Variants in NOL4 observed in about 807,000 individuals in gnomAD.
NOL4 encodes the protein cancer/testis antigen 125.
Under a neutral mutation model 75.9 loss-of-function variants are expected in NOL4, and 17 were observed. That is an observed-to-expected ratio of 0.22 (90% confidence interval 0.15 to 0.34). The LOEUF (loss-of-function observed/expected upper bound fraction) is 0.34. Among genes scored for constraint, NOL4 ranks in the 10% least tolerant of loss-of-function variants. The pLI is 1.00. For synonymous variants in NOL4, 292 were observed against 289.9 expected, an observed-to-expected ratio of 1.01 and a Z score of -0.07; for missense variants, 614 against 793.5, an observed-to-expected ratio of 0.77 and a Z score of 2.72.
At position 34,104,060 on chromosome 18, in the gene NOL4, G is replaced by A. The variant is rs1488495953; in HGVS notation, c.626C>T (p.Ser209Leu). The change falls in exon 4 of 11, where the codon TCA becomes TTA. Residue 209 changes from serine (S) to leucine (L), a missense_variant. By Grantham distance (145) the Ser-to-Leu change is moderately radical. Transcript: ENST00000261592. ...MKHMKLQLLN[S>L]QQDEDESSIE... is the part of the protein sequence containing the mutation. The stretch of plus-strand genomic sequence containing the variant: ...TTTTTATTTTACCTCATCTTGCTGT[G>A]AGTTTAGCAGCTGCAGCTTCATGTG... 2 of 1,608,882 alleles carry A rather than the reference G, an allele frequency of 1.2e-6. No individual in the cohort carries two copies. The highest frequency in any genetic ancestry group is 1.7e-6 in the Non-Finnish European group (2 of 1,175,838).
intron 5 of NOL4, among the ~76,000 whole-genome samples, chr18:34,084,117 C>T (rs767386795): frequency 2.6e-5 from 4 of 152,140 alleles, no homozygotes; most frequent in Admixed American, 6.5e-5. Flanking sequence ...CTGGAGAGTC[C>T]TGTTGGGAGG....
rs183833981 is a variant in NOL4, at chr18:34,015,476, A to T, written c.1056+3842T>A. On this transcript the variant is annotated intron_variant, in intron 6 of 10. Transcript: ENST00000261592. ...GAAATGCTCCACATTTTGGCTTCTA[A>T]AATATCCCCTTCTTATCTAGTTACT... Among the ~76,000 whole-genome samples, 11 of 152,104 alleles carry T rather than the reference A, an allele frequency of 7.2e-5. No homozygotes were observed. The East Asian group carries it at 1.9e-3, about 27-fold the overall frequency.
intron 9 of NOL4, among the ~76,000 whole-genome samples, chr18:33,907,495 A>G (rs1253700279): frequency 6.6e-6 from 1 of 152,158 alleles, no homozygotes; most frequent in East Asian, 1.9e-4. Flanking sequence ...TAAGGATAAT[A>G]TTTATGTTAC....
chr18:34,069,041 G>A (rs1414904820), intron 5 of NOL4, among the ~76,000 whole-genome samples: 2 of 151,956 alleles, frequency 1.3e-5, no homozygotes, highest in African/African-American at 4.8e-5. Flanking sequence ...TAAAGGTAAA[G>A]CAAAATAAAA....
At chr18:34,052,847 T>G (rs910688631) in intron 5 of NOL4, among the ~76,000 whole-genome samples, 7 of 152,050 alleles carry the variant, frequency 4.6e-5, no homozygotes, top group African/African-American at 1.7e-4. Context: ...GATACAGTCA[T>G]AATGGAATAG....
chr18:33,911,946 C>T (rs189376188), intron 9 of NOL4, among the ~76,000 whole-genome samples: 1 of 152,240 alleles, frequency 6.6e-6, no homozygotes, highest in Admixed American at 6.5e-5. Flanking sequence ...AATGAACCCT[C>T]CATTTCCTAC....
chr18:34,101,924 C>T (rs570458450), intron 4 of NOL4, among the ~76,000 whole-genome samples: 33 of 152,086 alleles, frequency 2.2e-4, no homozygotes, highest in African/African-American at 7.7e-4. Context: ...ACTTGGCTTT[C>T]CACTATCTCC....
At chr18:33,902,242 G>C (rs1212707592) in intron 9 of NOL4, among the ~76,000 whole-genome samples, 1 of 151,884 alleles carries the variant, frequency 6.6e-6, no homozygotes, top group African/African-American at 2.4e-5. Flanking sequence ...GCATTGGTTT[G>C]CTCCTAATAA....
intron 9 of NOL4, among the ~76,000 whole-genome samples, chr18:33,925,719 T>C (rs1260874633): frequency 1.3e-5 from 2 of 152,192 alleles, no homozygotes; most frequent in Non-Finnish European, 2.9e-5. Context: ...CTAAATATTT[T>C]GTGCTGTGTT....
Position 34,046,618 on chromosome 18 carries a change from A to ATATATATATATATATATATATATATATG in NOL4, c.773-27018_773-27017insCATATATATATATATATATATATATATA, listed in dbSNP as rs1304850540. ...ACTATTTACTTATACATATATATAT[A>ATATATATATATATATATATATATATATG]TATATATATATATATATATGTATAT... On this transcript the variant is annotated intron_variant, in intron 5 of 10. Transcript: ENST00000261592. Among the ~76,000 whole-genome samples, 183 of 114,324 alleles carry ATATATATATATATATATATATATATATG rather than the reference A, an allele frequency of 1.6e-3. 1 individual carries two copies. The highest frequency in any genetic ancestry group is 3.2e-3 in the Non-Finnish European group (159 of 49,094). The allele number at this position is 114,324 out of a possible 152,430, so 75.0% of individuals were successfully genotyped here. A position where few individuals can be genotyped will look rare whatever the true frequency, so the allele number is the denominator to read the frequency against.
intron 6 of NOL4, among the ~76,000 whole-genome samples, chr18:33,977,281 C>T (rs2071566807): frequency 6.6e-6 from 1 of 152,010 alleles, no homozygotes; most frequent in Non-Finnish European, 1.5e-5. Context: ...GTGTCCCCAC[C>T]CAAATCTCAT....
At chr18:33,940,358 T>C (rs941959357) in intron 9 of NOL4, among the ~76,000 whole-genome samples, 5 of 152,074 alleles carry the variant, frequency 3.3e-5, no homozygotes, top group Non-Finnish European at 5.9e-5. Flanking sequence ...CACCATGGAA[T>C]ACTATGCAGC....
intron 5 of NOL4, among the ~76,000 whole-genome samples, chr18:34,023,064 A>G (rs1276232462): frequency 6.6e-6 from 1 of 152,210 alleles, no homozygotes; most frequent in Non-Finnish European, 1.5e-5. Flanking sequence ...TTCATTCCTG[A>G]GTAAATCAGT....
intron 9 of NOL4, among the ~76,000 whole-genome samples, chr18:33,933,144 A>G (rs1019899886): frequency 6.6e-6 from 1 of 152,142 alleles, no homozygotes; most frequent in African/African-American, 2.4e-5. Context: ...TTTCTACTGC[A>G]TATAAAATTT....
chr18:33,954,459 C>G (rs747285109), intron 8 of NOL4, among the ~76,000 whole-genome samples: 2 of 151,312 alleles, frequency 1.3e-5, no homozygotes, highest in African/African-American at 4.9e-5. Context: ...AATGCTCTTT[C>G]GAGAAACCTG....
chr18:33,984,522 C>G (rs754461531), intron 6 of NOL4, among the ~76,000 whole-genome samples: 1 of 152,034 alleles, frequency 6.6e-6, no homozygotes, highest in Non-Finnish European at 1.5e-5. Context: ...ACACCATTCC[C>G]CCTTGGTGCT....
intron 2 of NOL4, among the ~76,000 whole-genome samples, chr18:34,115,683 T>C (rs1174645817): frequency 6.6e-6 from 1 of 152,196 alleles, no homozygotes; most frequent in African/African-American, 2.4e-5. Context: ...AACTTGCTTA[T>C]AAAAACCCTT....
At chr18:34,109,080 C>T (rs1023640064) in intron 2 of NOL4, among the ~76,000 whole-genome samples, 1 of 152,182 alleles carries the variant, frequency 6.6e-6, no homozygotes, top group African/African-American at 2.4e-5. Flanking sequence ...AAAAAACACA[C>T]TCCTGAGCAA....
At chr18:33,858,482 A>C (rs1024312926) in intron 10 of NOL4, among the ~76,000 whole-genome samples, 1 of 151,976 alleles carries the variant, frequency 6.6e-6, no homozygotes, top group African/African-American at 2.4e-5. Context: ...GTTATACTAG[A>C]TATTCTATAA....
Sources: gnomAD v4.1 joint callset for allele counts (sites outside exome capture counted in the v4.1 genomes callset) on GRCh38, gnomAD v4.1.1 for gene constraint, MANE v1.5 for transcripts, NCBI Gene and HGNC (gene_info 2026-07-23, HGNC 2026-07-21) for gene names.